NID2: variants seen among roughly 807,000 people sequenced by gnomAD.
NID2 encodes the protein nidogen-2.
A neutral mutation model predicts 145.4 loss-of-function variants in NID2; 83 were observed. That is an observed-to-expected ratio of 0.57 (90% CI 0.48 to 0.69). NID2 has a LOEUF of 0.69. NID2 is among the 30% of genes least tolerant of loss of function. The pLI, the probability that NID2 is intolerant of heterozygous loss-of-function variation, is 0.00. For missense variants in NID2, 1,807 were observed against 1,765.7 expected (o/e 1.02, Z -0.42); for synonymous variants, 739 against 701.3 (o/e 1.05, Z -0.85).
chr14:52,042,276 C>T lies in NID2; in HGVS notation c.1654G>A (p.Val552Met), dbSNP rs1430915905. ...CCCACGATATACGCATGCAGGTCCA[C>T]ATCAGTGAAGTGCACGGGTGTATGG... ...VGHTPVHFTD[V>M]DLHAYIVGND... The change falls in exon 7 of 22, where the codon GTG (valine) becomes ATG (methionine). Residue 552 changes from valine (V) to methionine (M), a missense_variant. Val to Met is a conservative substitution (Grantham distance 21, BLOSUM62 1). Coordinates refer to ENST00000216286, the MANE Select transcript of NID2 (RefSeq NM_007361.4). 1 of 1,614,112 alleles carries T rather than the reference C, an allele frequency of 6.2e-7. No individual in the cohort carries two copies. Among genetic ancestry groups the T allele is most frequent in the African/African-American group, 1.3e-5 (1 of 74,940 alleles).
Position 52,047,317 on chromosome 14 carries a change from A to G in NID2, c.1430-4386T>C, listed in dbSNP as rs902262673. ...GCATGGTCAGGGAAGACCTCAGGAGAAGGTGACTGAGCAGAGGCCAGGAGG... is the reference window on the plus strand; with the variant it reads ...GCATGGTCAGGGAAGACCTCAGGAGGAGGTGACTGAGCAGAGGCCAGGAGG... On this transcript the variant is annotated intron_variant, in intron 5 of 21. Transcript: ENST00000216286. Among the ~76,000 whole-genome samples the G allele has an allele frequency of 2.0e-5, 3 of 151,972 alleles. No homozygotes were observed. In the East Asian group the frequency reaches 5.8e-4, roughly 29 times the overall value.
chr14:52,036,276 G>A (rs961726616), intron 9 of NID2, among the ~76,000 whole-genome samples: 1 of 152,100 alleles, frequency 6.6e-6, no homozygotes, highest in Non-Finnish European at 1.5e-5. Context: ...TCAGTATGCT[G>A]TCCTTTGTCA....
At chr14:52,032,173 A>G (rs1263897848) in intron 9 of NID2, among the ~76,000 whole-genome samples, 2 of 152,184 alleles carry the variant, frequency 1.3e-5, no homozygotes, top group African/African-American at 4.8e-5. Flanking sequence ...CCCACTTTAT[A>G]AGAAACACCA....
At position 52,042,871 on chromosome 14, in the gene NID2, C is replaced by T. The variant is rs550986273; in HGVS notation, c.1490G>A (p.Arg497Gln). The T allele has an allele frequency of 9.3e-6, 15 of 1,614,128 alleles. No individual in the cohort carries two copies. The highest frequency in any genetic ancestry group is 4.5e-5 in the East Asian group (2 of 44,880). ...GGCATAGTCCGTGCAGAAGGCATGCCGGGAGCATTGTCTGTGGTTGTGTTC... is the reference window on the plus strand; with the variant it reads ...GGCATAGTCCGTGCAGAAGGCATGCTGGGAGCATTGTCTGTGGTTGTGTTC... ...TCEHNHRQCSRHAFCTDYATG... is the reference protein window; with the variant it reads ...TCEHNHRQCSQHAFCTDYATG... The change falls in exon 6 of 22, where the codon CGG becomes CAG. Residue 497 changes from arginine (R) to glutamine (Q), a missense_variant. Arg to Gln is a conservative substitution (Grantham distance 43, BLOSUM62 1). Transcript: ENST00000216286.
chr14:52,014,185 G>A, intron 16 of NID2, 102 bp downstream of exon 16: 2 of 1,475,740 alleles, frequency 1.4e-6, no homozygotes, highest in Non-Finnish European at 1.9e-6. Flanking sequence ...AACCCTCCAG[G>A]ACTTCCCTGC....
chr14:52,005,791 C>A lies in NID2; in HGVS notation c.4063G>T (p.Glu1355Ter). ...ATCCCGTAGAGGTGAGATCGTTGTT[C>A]TGGGAGATACTCATCAGTAAACTGG... ...SGQFTDEYLPEQRSHLYGITA... is the reference protein window; with the variant it reads ...SGQFTDEYLP The change falls in exon 21 of 22, where the codon GAA (glutamate) becomes TAA (stop). Residue 1355 changes from glutamate to a stop codon, truncating the protein, a stop_gained. Coordinates refer to ENST00000216286, the MANE Select transcript of NID2 (RefSeq NM_007361.4). LOFTEE classifies it high-confidence loss of function. 1.2e-6 allele frequency: 2 copies of A among 1,613,880 alleles called. No homozygotes were observed. The highest frequency in any genetic ancestry group is 2.2e-5 in the South Asian group (2 of 91,054).
chr14:52,041,769 C>A (rs1169390026), intron 7 of NID2, among the ~76,000 whole-genome samples: 1 of 152,166 alleles, frequency 6.6e-6, no homozygotes, highest in Non-Finnish European at 1.5e-5. Context: ...CCCCAAGTAC[C>A]ATTTTTGCAT....
chr14:52,018,758 C>T (rs1444253762), intron 14 of NID2, among the ~76,000 whole-genome samples: 2 of 152,206 alleles, frequency 1.3e-5, no homozygotes. Flanking sequence ...CTAAGCTGCT[C>T]TATAACAGGT....
intron 18 of NID2, chr14:52,008,269 C>G (rs936206834): frequency 3.2e-5 from 8 of 248,046 alleles, no homozygotes; most frequent in African/African-American, 1.8e-4. Context: ...GGAACATGTG[C>G]CAAGGAACTG....
intron 9 of NID2, among the ~76,000 whole-genome samples, chr14:52,033,402 C>T (rs1159619232): frequency 6.6e-6 from 1 of 152,188 alleles, no homozygotes; most frequent in Non-Finnish European, 1.5e-5. Flanking sequence ...AACAACCAAC[C>T]AACCAACAAC....
intron 10 of NID2, 88 bp downstream of exon 10, chr14:52,029,459 A>C: frequency 7.8e-7 from 1 of 1,276,690 alleles, no homozygotes; most frequent in Non-Finnish European, 1.1e-6. Flanking sequence ...TAAAGGTGAC[A>C]GATACTTGTC....
intron 8 of NID2, 82 bp from the exon 9 acceptor site, chr14:52,039,059 T>C (rs1270628548): frequency 2.1e-6 from 2 of 935,684 alleles, no homozygotes; most frequent in African/African-American, 1.7e-5. Flanking sequence ...GCAGTTTTTT[T>C]CATCTAATTC....
chr14:52,040,117 T>G (rs1892224392), intron 8 of NID2, among the ~76,000 whole-genome samples: 1 of 152,150 alleles, frequency 6.6e-6, no homozygotes, highest in Non-Finnish European at 1.5e-5. Flanking sequence ...ATTTTTGTAT[T>G]TTTAGTAGAA....
chr14:52,019,194 C>A lies in NID2; in HGVS notation c.2895G>T (p.Glu965Asp), dbSNP rs1419874779. 1.2e-6 allele frequency: 2 copies of A among 1,614,036 alleles called. No homozygotes were observed. The highest frequency in any genetic ancestry group is 2.7e-5 in the African/African-American group (2 of 75,048). The change falls in exon 14 of 22, where the codon GAG becomes GAT. Residue 965 changes from glutamate (E) to aspartate (D), a missense_variant. Transcript: ENST00000216286. Reference sequence around the variant, plus strand: ...ACTGTAGGGGCAGGAAGTTGCCCTGCTCGTCGCATTGGGGGATGTGGAACC... The same window carrying A: ...ACTGTAGGGGCAGGAAGTTGCCCTGATCGTCGCATTGGGGGATGTGGAACC... The part of the protein sequence containing the change: ...GARFHIPQCD[E>D]QGNFLPLQCH...
intron 12 of NID2, among the ~76,000 whole-genome samples, chr14:52,020,963 T>C (rs1000796393): frequency 6.6e-6 from 1 of 152,156 alleles, no homozygotes; most frequent in Admixed American, 6.5e-5. Context: ...ATTCCTTTTA[T>C]TTAATGAAAT....
At chr14:52,046,167 C>CA (rs1367205016) in intron 5 of NID2, among the ~76,000 whole-genome samples, 7 of 151,644 alleles carry the variant, frequency 4.6e-5, no homozygotes, top group Admixed American at 2.0e-4. Context: ...ACTAAAAATA[C>CA]AAAAAATTAG....
chr14:52,037,702 A>G (rs1892121285), intron 9 of NID2, among the ~76,000 whole-genome samples: 1 of 152,208 alleles, frequency 6.6e-6, no homozygotes, highest in African/African-American at 2.4e-5. Flanking sequence ...TGAGATTCTG[A>G]TAGGGATTAT....
intron 21 of NID2, 43 bp downstream of exon 21, chr14:52,005,694 T>C: frequency 6.7e-7 from 1 of 1,501,908 alleles, no homozygotes; most frequent in Middle Eastern, 1.7e-4. Context: ...ATCCCTTCTC[T>C]ACCCTGCTAA....
At position 52,060,376 on chromosome 14, in the gene NID2, AAAAGAGAG is replaced by A; in HGVS notation, c.535-28_535-21del. ...GTTCAGCTGTGAGGAAAAAAAAAAA[AAAAGAGAG>A]AGAGAGAGAGAGAAACATCCTGTAA... On this transcript the variant is annotated intron_variant, in intron 2 of 21. Coordinates refer to ENST00000216286, the MANE Select transcript of NID2 (RefSeq NM_007361.4). 2.5e-6 allele frequency: 3 copies of A among 1,214,462 alleles called. No homozygotes were observed. In the African/African-American group the frequency reaches 4.7e-5, roughly 19 times the overall value. The allele number at this position is 1,214,462 out of a possible 1,614,324, so 75.2% of individuals were successfully genotyped here. A position where few individuals can be genotyped will look rare whatever the true frequency, so the allele number is the denominator to read the frequency against.
Sources: gnomAD v4.1 joint callset for allele counts (sites outside exome capture counted in the v4.1 genomes callset) on GRCh38, gnomAD v4.1.1 for gene constraint, MANE v1.5 for transcripts, NCBI Gene and HGNC (gene_info 2026-07-23, HGNC 2026-07-21) for gene names.